MACROD2: variants seen among roughly 807,000 people sequenced by gnomAD.
MACROD2 encodes mono-ADP ribosylhydrolase 2, also known as ADP-ribose glycohydrolase MACROD2.
MACROD2 carries 36 observed loss-of-function variants against 70.4 expected under a neutral mutation model. The ratio of observed to expected loss-of-function variants is 0.51; its 90% CI spans 0.39 to 0.68. MACROD2 has a LOEUF of 0.68. Among genes scored for constraint, MACROD2 ranks in the 30% least tolerant of loss-of-function variants. MACROD2 has a pLI of 0.00. For missense variants in MACROD2, 496 were observed against 538.4 expected, an observed-to-expected ratio of 0.92 and a Z score of 0.78; for synonymous variants, 172 against 178.8, an observed-to-expected ratio of 0.96 and a Z score of 0.30.
chr20:14,420,640 G>A (rs781589911), intron 3 of MACROD2, among the ~76,000 whole-genome samples: 1 of 152,086 alleles, frequency 6.6e-6, no homozygotes, highest in Admixed American at 6.5e-5. Context: ...GTGTAAGATA[G>A]ATGATTTGCA....
At chr20:14,396,741 C>T (rs763059766) in intron 3 of MACROD2, among the ~76,000 whole-genome samples, 20 of 151,556 alleles carry the variant, frequency 1.3e-4, no homozygotes, top group East Asian at 6.0e-4. Flanking sequence ...CTGCCTAACG[C>T]GGTGAAACCC....
rs576692290 is a variant in MACROD2, at chr20:14,179,492, C to T, written c.271+93764C>T. ...TTAGCAGATAAATGTACTATTCTGT[C>T]TATCTACTGTGGCCATTCTCCAATT... On this transcript the variant is annotated intron_variant, in intron 3 of 17. Transcript: ENST00000684519. Among the ~76,000 whole-genome samples the T allele has an allele frequency of 2.6e-5, 4 of 152,262 alleles. No individual in the cohort carries two copies. In the East Asian group the frequency reaches 7.7e-4, roughly 29 times the overall value.
At chr20:14,864,141 A>C (rs1281144508) in intron 5 of MACROD2, among the ~76,000 whole-genome samples, 2 of 152,146 alleles carry the variant, frequency 1.3e-5, no homozygotes, top group Non-Finnish European at 2.9e-5. Context: ...TTCCATTTTA[A>C]AATATGTTTT....
intron 3 of MACROD2, among the ~76,000 whole-genome samples, chr20:14,187,874 A>G (rs1004350476): frequency 4.6e-5 from 7 of 152,262 alleles, no homozygotes; most frequent in African/African-American, 1.4e-4. Flanking sequence ...TTTGTATCCC[A>G]TGATCCACTG....
Position 15,885,809 on chromosome 20 carries a change from C to A in MACROD2, c.773C>A (p.Ser258Ter). The A allele has an allele frequency of 1.3e-6, 2 of 1,496,350 alleles. No homozygotes were observed. Among genetic ancestry groups the A allele is most frequent in the South Asian group, 1.3e-5 (1 of 75,320 alleles). The allele number at this position is 1,496,350 out of a possible 1,614,324, so 92.7% of individuals were successfully genotyped here. ...EEEDVEMKED[S>*]DENGPEEKQS... is the part of the protein sequence containing the mutation. ...GAGGATGTTGAAATGAAAGAAGATT[C>A]AGGTATTAAATTCATACTTTTATTA... Residue 258 changes from serine (S) to a stop codon, truncating the protein, a stop_gained and splice_region_variant, in exon 10 of 18, where the codon TCA becomes TAA. Coordinates refer to ENST00000684519, the MANE Select transcript of MACROD2 (RefSeq NM_001351661.2). LOFTEE classifies it high-confidence loss of function.
intron 7 of MACROD2, among the ~76,000 whole-genome samples, chr20:15,471,676 C>T (rs926414257): frequency 7.9e-5 from 12 of 152,110 alleles, no homozygotes; most frequent in African/African-American, 2.4e-5. Flanking sequence ...CTTTCCAGTT[C>T]CTTCTTCTTT....
In MACROD2 at chr20:14,108,131, G is replaced by T. The variant is rs530272775; in HGVS notation, c.271+22403G>T. 5.3e-5 allele frequency among the ~76,000 whole-genome samples: 8 copies of T among 152,104 alleles called. No individual in the cohort carries two copies. The South Asian group carries it at 1.4e-3, about 28-fold the overall frequency. ...TTAAAAAGTGGGGGATGAAGTTAAG[G>T]TACATGGTAGTTATTAGTTTTTTTT... On this transcript the variant is annotated intron_variant, in intron 3 of 17. Transcript: ENST00000684519.
intron 2 of MACROD2, chr20:14,053,305 G>A (rs553010127): frequency 6.6e-6 from 1 of 152,202 alleles, no homozygotes; most frequent in South Asian, 2.1e-4. Flanking sequence ...TTCCTAGAGT[G>A]AATGAAGGTA....
intron 3 of MACROD2, among the ~76,000 whole-genome samples, chr20:14,402,876 G>T (rs1013927838): frequency 1.3e-5 from 2 of 152,098 alleles, no homozygotes; most frequent in Non-Finnish European, 2.9e-5. Context: ...GTGTTTTCTT[G>T]TTCAAGAAGG....
intron 5 of MACROD2, among the ~76,000 whole-genome samples, chr20:14,866,210 C>T (rs2073426041): frequency 6.6e-6 from 1 of 152,078 alleles, no homozygotes; most frequent in African/African-American, 2.4e-5. Context: ...TTAAGTTATC[C>T]TTCCACAAGG....
intron 7 of MACROD2, among the ~76,000 whole-genome samples, chr20:15,447,080 G>GTGTGTGTGTGTGTGTC (rs1159210311): frequency 6.8e-6 from 1 of 146,820 alleles, no homozygotes; most frequent in Non-Finnish European, 1.5e-5. Flanking sequence ...GTGTGTGTGT[G>GTGTGTGTGTGTGTGTC]TGTGTGTCTG....
chr20:16,029,247 C>A (rs1235935030), intron 15 of MACROD2, among the ~76,000 whole-genome samples: 1 of 152,168 alleles, frequency 6.6e-6, no homozygotes, highest in Non-Finnish European at 1.5e-5. Flanking sequence ...GGGGCTACAA[C>A]CTTTGAATTT....
At chr20:15,526,178 G>A (rs1261927231) in intron 8 of MACROD2, among the ~76,000 whole-genome samples, 1 of 152,122 alleles carries the variant, frequency 6.6e-6, no homozygotes, top group East Asian at 1.9e-4. Flanking sequence ...TCCATCTAGT[G>A]AGAGTCTTTT....
At chr20:15,832,751 T>C (rs1472087463) in intron 8 of MACROD2, among the ~76,000 whole-genome samples, 2 of 152,214 alleles carry the variant, frequency 1.3e-5, no homozygotes, top group Admixed American at 6.5e-5. Context: ...AAATGGCACC[T>C]GCTCAGTCAA....
chr20:14,469,245 G>C (rs1376733585), intron 3 of MACROD2, among the ~76,000 whole-genome samples: 1 of 152,094 alleles, frequency 6.6e-6, no homozygotes, highest in African/African-American at 2.4e-5. Context: ...TAAGAATGTT[G>C]AATATTGGCC....
At chr20:15,909,089 G>A (rs2065193400) in intron 10 of MACROD2, among the ~76,000 whole-genome samples, 1 of 152,218 alleles carries the variant, frequency 6.6e-6, no homozygotes, top group Non-Finnish European at 1.5e-5. Context: ...TTGGGAGGCT[G>A]AAATATCCAG....
At chr20:14,281,348 C>T (rs1437662003) in intron 3 of MACROD2, among the ~76,000 whole-genome samples, 1 of 152,122 alleles carries the variant, frequency 6.6e-6, no homozygotes, top group Non-Finnish European at 1.5e-5. Flanking sequence ...ATTCCATTTA[C>T]ATGAAATGTC....
chr20:15,006,141 ATG>A (rs11473589), intron 5 of MACROD2, among the ~76,000 whole-genome samples: 6,075 of 134,188 alleles, frequency 0.045, 192 homozygotes, highest in African/African-American at 0.1. Context: ...ATATATATAT[ATG>A]TGTGTGTGTG....
chr20:14,537,781 G>A (rs1180873923), intron 4 of MACROD2, among the ~76,000 whole-genome samples: 3 of 152,176 alleles, frequency 2.0e-5, no homozygotes, highest in Non-Finnish European at 1.5e-5. Context: ...AATGGCACCA[G>A]TGGTTCATCC....
Sources: gnomAD v4.1 joint callset for allele counts (sites outside exome capture counted in the v4.1 genomes callset) on GRCh38, gnomAD v4.1.1 for gene constraint, MANE v1.5 for transcripts, NCBI Gene and HGNC (gene_info 2026-07-23, HGNC 2026-07-21) for gene names.